Variants in FRMD4B observed in about 807,000 individuals in gnomAD.
The protein encoded by FRMD4B is FERM domain-containing protein 4B.
In FRMD4B, 74 loss-of-function variants were observed where a neutral mutation model predicts 141.5. That is an observed-to-expected ratio of 0.52 (90% CI 0.43 to 0.63). FRMD4B has a LOEUF of 0.63. Among genes scored for constraint, FRMD4B ranks in the 30% least tolerant of loss-of-function variants. The probability of loss-of-function intolerance (pLI) is 0.00; values close to 1 mark genes in which losing one functional copy is unlikely to be tolerated. For synonymous variants in FRMD4B, 506 were observed against 467.9 expected (o/e 1.08, Z -1.05); for missense variants, 1,366 against 1,253.4 (o/e 1.09, Z -1.36).
intron 7 of FRMD4B, among the ~76,000 whole-genome samples, chr3:69,231,144 A>G (rs2093302269): frequency 6.6e-6 from 1 of 152,220 alleles, no homozygotes; most frequent in Non-Finnish European, 1.5e-5. Context: ...AAACAAAGAC[A>G]AGAAAACATT....
chr3:69,267,955 T>C (rs1187795191), intron 5 of FRMD4B, among the ~76,000 whole-genome samples: 1 of 151,762 alleles, frequency 6.6e-6, no homozygotes, highest in African/African-American at 2.4e-5. Flanking sequence ...TTAAGTGAAT[T>C]AATCTATACC....
intron 1 of FRMD4B, among the ~76,000 whole-genome samples, chr3:69,477,134 A>G (rs955772288): frequency 6.6e-6 from 1 of 152,178 alleles, no homozygotes; most frequent in Non-Finnish European, 1.5e-5. Context: ...TAGATACACA[A>G]TCATGTCATC....
intron 2 of FRMD4B, among the ~76,000 whole-genome samples, chr3:69,395,437 AAG>A (rs1417468123): frequency 1.3e-5 from 2 of 152,202 alleles, no homozygotes; most frequent in African/African-American, 4.8e-5. Flanking sequence ...GTGGCTTGCA[AAG>A]TATTAAAATA....
At chr3:69,213,354 A>C (rs1028296384) in intron 11 of FRMD4B, among the ~76,000 whole-genome samples, 2 of 141,572 alleles carry the variant, frequency 1.4e-5, no homozygotes, top group Admixed American at 7.4e-5. Flanking sequence ...CCTCATGAGT[A>C]TTTCTTACTC....
At chr3:69,190,734 T>C (rs1042072890) in intron 17 of FRMD4B, among the ~76,000 whole-genome samples, 14 of 152,152 alleles carry the variant, frequency 9.2e-5, no homozygotes, top group Non-Finnish European at 2.1e-4. Context: ...AACAGGTTTC[T>C]CAACAGTGGC....
At chr3:69,512,879 A>AT (rs1451202143) in intron 1 of FRMD4B, among the ~76,000 whole-genome samples, 3 of 152,206 alleles carry the variant, frequency 2.0e-5, no homozygotes, top group African/African-American at 7.2e-5. Flanking sequence ...AAATCAAAAT[A>AT]TTACACACCA....
rs774316609 is a variant in FRMD4B at position 69,427,643 on chromosome 3, G to GTTTTTTTTTTTTTTTTTTTT, written c.-1+4971_-1+4990dup. On this transcript the variant is annotated intron_variant, in intron 2 of 5. Transcript: ENST00000459638. ...GTGTTTAGTAAGAAGCTAGGTAAATGTTTTTTTTTTTTTTTTTTTTTTTTT... is the reference window on the plus strand; with the variant it reads ...GTGTTTAGTAAGAAGCTAGGTAAATGTTTTTTTTTTTTTTTTTTTTTTTTTTTTTTTTTTTTTTTTTTTTT... 6.3e-4 allele frequency among the ~76,000 whole-genome samples: 23 copies of GTTTTTTTTTTTTTTTTTTTT among 36,238 alleles called. 6 individuals are homozygous for GTTTTTTTTTTTTTTTTTTTT. Among genetic ancestry groups the GTTTTTTTTTTTTTTTTTTTT allele is most frequent in the East Asian group, 1.3e-3 (1 of 796 alleles). 23.8% of individuals were successfully genotyped at this position (36,238 alleles called of 152,430 possible).
chr3:69,485,262 G>A (rs796900796), intron 1 of FRMD4B, among the ~76,000 whole-genome samples: 12 of 152,296 alleles, frequency 7.9e-5, no homozygotes, highest in Admixed American at 3.3e-4. Context: ...GCCAGGAGTC[G>A]GGGGAGGCCA....
At position 69,212,054 on chromosome 3, in the gene FRMD4B, G is replaced by C. The variant is rs1184145949; in HGVS notation, c.876+4209C>G. 2.0e-5 allele frequency among the ~76,000 whole-genome samples: 3 copies of C among 151,242 alleles called. No homozygotes were observed. In the East Asian group the frequency reaches 5.8e-4, roughly 29 times the overall value. On this transcript the variant is annotated intron_variant, in intron 11 of 22. Coordinates refer to ENST00000398540, the MANE Select transcript of FRMD4B (RefSeq NM_015123.3). ...CCCCAAAAAAAAAAACGGAGAAAGAGAAGGCAAGAAAGTGATAACATGGGC... is the reference window on the plus strand; with the variant it reads ...CCCCAAAAAAAAAAACGGAGAAAGACAAGGCAAGAAAGTGATAACATGGGC...
intron 2 of FRMD4B, among the ~76,000 whole-genome samples, chr3:69,422,014 G>A (rs1332946770): frequency 3.3e-5 from 5 of 152,198 alleles, no homozygotes; most frequent in Non-Finnish European, 7.3e-5. Context: ...CTGCAGATCT[G>A]TTAATAGAAG....
chr3:69,206,782 T>G (rs1237310752), intron 11 of FRMD4B, among the ~76,000 whole-genome samples: 4 of 152,180 alleles, frequency 2.6e-5, no homozygotes, highest in Non-Finnish European at 5.9e-5. Context: ...GGATTGTGGC[T>G]TTTTCCTTAA....
chr3:69,399,149 T>C (rs1242675883), intron 2 of FRMD4B, among the ~76,000 whole-genome samples: 1 of 152,208 alleles, frequency 6.6e-6, no homozygotes, highest in East Asian at 1.9e-4. Context: ...ACATGAATTG[T>C]TTATACAGCA....
intron 1 of FRMD4B, among the ~76,000 whole-genome samples, chr3:69,374,786 T>A (rs1448390544): frequency 6.6e-6 from 1 of 152,178 alleles, no homozygotes; most frequent in Non-Finnish European, 1.5e-5. Flanking sequence ...GCCCACAGTG[T>A]GTCTACACAG....
rs546210263 is a variant in FRMD4B, at chr3:69,469,804, C to A, written c.-128-37043G>T. Among the ~76,000 whole-genome samples the A allele has an allele frequency of 3.3e-5, 5 of 152,318 alleles. No individual in the cohort carries two copies. The South Asian group carries it at 1.0e-3, about 32-fold the overall frequency. The stretch of plus-strand genomic sequence containing the variant: ...AGGTTTTATATAGTTAAGATACAAG[C>A]GAGACTTTGATTTAGCGGCAGCAGG... On this transcript the variant is annotated intron_variant, in intron 1 of 5. Transcript: ENST00000459638.
At chr3:69,232,675 G>A (rs534072356) in intron 7 of FRMD4B, among the ~76,000 whole-genome samples, 65 of 152,238 alleles carry the variant, frequency 4.3e-4, no homozygotes, top group South Asian at 2.9e-3. Flanking sequence ...CCCAGCAAAT[G>A]GGTGCACCTG....
At position 69,300,274 on chromosome 3, in the gene FRMD4B, T is replaced by C. The variant is rs1369380344; in HGVS notation, c.416+2069A>G. Among the ~76,000 whole-genome samples, 7 of 152,234 alleles carry C rather than the reference T, an allele frequency of 4.6e-5. 1 individual carries two copies. The highest frequency in any genetic ancestry group is 2.0e-4 in the Admixed American group (3 of 15,284). ...AAAAACAACTACTTAATTGGAATAA[T>C]AACAAAGACTATTATGATTCTCACT... On this transcript the variant is annotated intron_variant, in intron 4 of 22. Transcript: ENST00000398540.
intron 2 of FRMD4B, among the ~76,000 whole-genome samples, chr3:69,393,215 G>A (rs1336269842): frequency 6.6e-6 from 1 of 151,634 alleles, no homozygotes; most frequent in African/African-American, 2.4e-5. Flanking sequence ...GTGTAGGAGG[G>A]GGAAGTAAAC....
At chr3:69,188,523 C>T (rs531773630) in intron 18 of FRMD4B, among the ~76,000 whole-genome samples, 4 of 151,852 alleles carry the variant, frequency 2.6e-5, no homozygotes, top group Admixed American at 6.6e-5. Context: ...TTTGGGAGGC[C>T]GAGGCGGGTG....
intron 7 of FRMD4B, 25 bp from the exon 8 acceptor site, chr3:69,224,715 T>C: frequency 8.9e-7 from 1 of 1,128,034 alleles, no homozygotes; most frequent in Non-Finnish European, 1.3e-6. Flanking sequence ...AATATGGTAA[T>C]GTCAGGTACT....
Sources: allele counts gnomAD v4.1 joint callset (sites outside exome capture counted in the v4.1 genomes callset), GRCh38; gene constraint gnomAD v4.1.1; transcripts MANE v1.5; gene names NCBI Gene and HGNC (gene_info 2026-07-23, HGNC 2026-07-21).